The following CNTNAP4 variants were observed in gnomAD, a reference collection of about 807,000 sequenced individuals.
The protein encoded by CNTNAP4 is contactin associated protein family member 4.
A neutral mutation model predicts 148.4 loss-of-function variants in CNTNAP4; 98 were observed. That is an observed-to-expected ratio of 0.66 (90% confidence interval 0.56 to 0.78). CNTNAP4 has a LOEUF of 0.78. Among genes scored for constraint, CNTNAP4 ranks in the 30% least tolerant of loss-of-function variants. The pLI, the probability that CNTNAP4 is intolerant of heterozygous loss-of-function variation, is 0.00. For missense variants in CNTNAP4, 1,935 were observed against 1,565.6 expected, an observed-to-expected ratio of 1.24 and a Z score of -3.98; for synonymous variants, 730 against 565.1, an observed-to-expected ratio of 1.29 and a Z score of -4.14.
chr16:76,522,017 T>A, intron 16 of CNTNAP4, 22 bp from the exon 17 acceptor site: 1 of 1,610,812 alleles, frequency 6.2e-7, no homozygotes, highest in South Asian at 1.1e-5. Flanking sequence ...ACTAGAACAA[T>A]CTTTATGTGT....
chr16:76,371,075 T>A (rs1473053359), intron 3 of CNTNAP4, among the ~76,000 whole-genome samples: 1 of 152,006 alleles, frequency 6.6e-6, no homozygotes, highest in Non-Finnish European at 1.5e-5. Flanking sequence ...GTAAGTAGAG[T>A]GGTGCTCTCC....
In CNTNAP4 at chr16:76,479,473, T is replaced by A. The variant is rs1214977180; in HGVS notation, c.1817T>A (p.Phe606Tyr). 4 of 1,611,040 alleles carry A rather than the reference T, an allele frequency of 2.5e-6. No homozygotes were observed. Among genetic ancestry groups the A allele is most frequent in the Non-Finnish European group, 3.4e-6 (4 of 1,178,688 alleles). ...AYKHRGNTSGFYYIDSDGSGP... is the reference protein window; with the variant it reads ...AYKHRGNTSGYYYIDSDGSGP... ...AAGCACAGAGGAAATACTTCAGGGT[T>A]TTACTATATAGATTCAGATGGAAGT... The change falls in exon 12 of 24, where the codon TTT (phenylalanine) becomes TAT (tyrosine). Residue 606 changes from phenylalanine (F) to tyrosine (Y), a missense_variant. Physicochemically the swap from Phe to Tyr is conservative, Grantham distance 22. Coordinates refer to ENST00000611870, the MANE Select transcript of CNTNAP4 (RefSeq NM_033401.5).
chr16:76,299,585 G>A (rs1261846595), intron 1 of CNTNAP4, among the ~76,000 whole-genome samples: 1 of 152,070 alleles, frequency 6.6e-6, no homozygotes, highest in Admixed American at 6.5e-5. Context: ...AAGTCAGTGT[G>A]GCGATTCCTC....
chr16:76,528,721 T>A (rs1420457299), intron 17 of CNTNAP4, among the ~76,000 whole-genome samples: 1 of 152,166 alleles, frequency 6.6e-6, no homozygotes, highest in Non-Finnish European at 1.5e-5. Context: ...TGAGGAAAGA[T>A]TAATGCTTTA....
At chr16:76,299,156 A>G (rs1410804060) in intron 1 of CNTNAP4, among the ~76,000 whole-genome samples, 1 of 152,220 alleles carries the variant, frequency 6.6e-6, no homozygotes, top group Non-Finnish European at 1.5e-5. Context: ...ATGGGATCTA[A>G]TTAAACTAAA....
intron 17 of CNTNAP4, 101 bp from the exon 18 acceptor site, chr16:76,535,443 AT>A (rs201074862): frequency 3.7e-4 from 456 of 1,227,080 alleles, no homozygotes; most frequent in South Asian, 7.0e-4. Context: ...TTGCTCATCC[AT>A]TTTTTTTGCC....
At chr16:76,295,861 A>G (rs867553111) in intron 1 of CNTNAP4, among the ~76,000 whole-genome samples, 10 of 152,180 alleles carry the variant, frequency 6.6e-5, no homozygotes, top group African/African-American at 2.2e-4. Context: ...TCTTTCCCCC[A>G]GGCTGGAATG....
At chr16:76,495,492 T>C (rs1323309002) in intron 14 of CNTNAP4, among the ~76,000 whole-genome samples, 2 of 152,084 alleles carry the variant, frequency 1.3e-5, no homozygotes, top group Non-Finnish European at 2.9e-5. Flanking sequence ...TTTATATTTT[T>C]AAAAAGACAA....
intron 2 of CNTNAP4, among the ~76,000 whole-genome samples, chr16:76,351,869 G>A (rs768615407): frequency 1.6e-4 from 24 of 152,154 alleles, no homozygotes; most frequent in Non-Finnish European, 2.6e-4. Flanking sequence ...TCTTCTTGCT[G>A]CATTGCTGTC....
rs1418065948 is a variant in CNTNAP4 at position 76,460,771 on chromosome 16, AAAAT to A, written c.1334-1183_1334-1180del. On this transcript the variant is annotated intron_variant, in intron 8 of 23. Coordinates refer to ENST00000611870, the MANE Select transcript of CNTNAP4 (RefSeq NM_033401.5). ...CATGTCTCAAAAAAAAAAAAAAAAAAAAATATATATATATATATATATATTTAGA... is the reference window on the plus strand; with the variant it reads ...CATGTCTCAAAAAAAAAAAAAAAAAAATATATATATATATATATATTTAGA... Among the ~76,000 whole-genome samples, 57 of 33,654 alleles carry A rather than the reference AAAAT, an allele frequency of 1.7e-3. 1 individual carries two copies. Among genetic ancestry groups the A allele is most frequent in the African/African-American group, 4.7e-3 (53 of 11,352 alleles). The allele number at this position is 33,654 out of a possible 152,430, so 22.1% of individuals were successfully genotyped here.
intron 12 of CNTNAP4, among the ~76,000 whole-genome samples, chr16:76,483,359 C>T (rs2081912235): frequency 6.6e-6 from 1 of 151,858 alleles, no homozygotes; most frequent in South Asian, 2.1e-4. Context: ...CAAATTACTC[C>T]TGGGGGAATC....
chr16:76,311,886 G>A (rs1253340954), intron 1 of CNTNAP4, among the ~76,000 whole-genome samples: 1 of 152,166 alleles, frequency 6.6e-6, no homozygotes, highest in Non-Finnish European at 1.5e-5. Flanking sequence ...GTGCCAATCT[G>A]ATATAGCACT....
intron 3 of CNTNAP4, among the ~76,000 whole-genome samples, chr16:76,418,564 C>G (rs935156664): frequency 2.0e-5 from 3 of 151,658 alleles, no homozygotes; most frequent in Non-Finnish European, 4.4e-5. Flanking sequence ...GCAGAGTTTT[C>G]ATCTCTCGAT....
rs6145898 is a variant in CNTNAP4 at position 76,307,503 on chromosome 16, C to CATATATATATATATAT, written c.86-8888_86-8873dup. On this transcript the variant is annotated intron_variant, in intron 1 of 23. Transcript: ENST00000611870. ...TTCTCCTAGATATCTATTTTAAATG[C>CATATATATATATATAT]ATATATATATATATATATATATATA... Among the ~76,000 whole-genome samples, 31 of 91,718 alleles carry CATATATATATATATAT rather than the reference C, an allele frequency of 3.4e-4. 2 individuals carry two copies. The highest frequency in any genetic ancestry group is 1.3e-3 in the South Asian group (3 of 2,386). The allele number at this position is 91,718 out of a possible 152,430, so 60.2% of individuals were successfully genotyped here. A position where few individuals can be genotyped will look rare whatever the true frequency, so the allele number is the denominator to read the frequency against.
At chr16:76,400,773 C>G (rs1030156818) in intron 3 of CNTNAP4, among the ~76,000 whole-genome samples, 14 of 152,160 alleles carry the variant, frequency 9.2e-5, no homozygotes, top group African/African-American at 2.9e-4. Context: ...CTGGCTATCT[C>G]AGCACTATTT....
intron 15 of CNTNAP4, among the ~76,000 whole-genome samples, chr16:76,501,685 TG>T (rs2082650550): frequency 6.6e-6 from 1 of 152,070 alleles, no homozygotes; most frequent in Non-Finnish European, 1.5e-5. Context: ...AAGAATTATC[TG>T]GCCCCAAATG....
At chr16:76,534,445 T>G (rs77831427) in intron 17 of CNTNAP4, among the ~76,000 whole-genome samples, 1 of 152,180 alleles carries the variant, frequency 6.6e-6, no homozygotes, top group African/African-American at 2.4e-5. Context: ...TGGAGCTTCT[T>G]TTTAGAGGCC....
At chr16:76,353,265 T>C (rs188184496) in intron 2 of CNTNAP4, among the ~76,000 whole-genome samples, 25 of 152,298 alleles carry the variant, frequency 1.6e-4, no homozygotes, top group African/African-American at 6.0e-4. Context: ...AAAGACAGTA[T>C]AGTAAGAAAC....
At chr16:76,490,854 T>A (rs1346816481) in intron 13 of CNTNAP4, among the ~76,000 whole-genome samples, 1 of 152,152 alleles carries the variant, frequency 6.6e-6, no homozygotes, top group Non-Finnish European at 1.5e-5. Context: ...TCTTTACATA[T>A]TAGATAAAAT....
Sources: allele counts gnomAD v4.1 joint callset (sites outside exome capture counted in the v4.1 genomes callset), GRCh38; gene constraint gnomAD v4.1.1; transcripts MANE v1.5; gene names NCBI Gene and HGNC (gene_info 2026-07-23, HGNC 2026-07-21).